The following ADAMTS3 variants were observed in gnomAD, a reference collection of about 807,000 sequenced individuals.
ADAMTS3 encodes the protein A disintegrin and metalloproteinase with thrombospondin motifs 3.
ADAMTS3 carries 73 observed loss-of-function variants against 129.0 expected under a neutral mutation model. The observed-to-expected ratio is 0.57, with a 90% confidence interval of 0.47 to 0.69. The LOEUF is 0.69. ADAMTS3 is among the 30% of genes least tolerant of loss of function. ADAMTS3 has a pLI of 0.00. For missense variants in ADAMTS3, 1,457 were observed against 1,514.5 expected (o/e 0.96, Z 0.63); for synonymous variants, 477 against 510.8 (o/e 0.93, Z 0.89).
At chr4:72,518,539 T>A (rs1266608054) in intron 3 of ADAMTS3, among the ~76,000 whole-genome samples, 2 of 152,140 alleles carry the variant, frequency 1.3e-5, no homozygotes, top group Non-Finnish European at 2.9e-5. Context: ...GGTGCATATA[T>A]ATTTAGGATA....
chr4:72,314,648 T>A (rs902168901), intron 11 of ADAMTS3, among the ~76,000 whole-genome samples: 5 of 152,200 alleles, frequency 3.3e-5, no homozygotes, highest in Non-Finnish European at 7.4e-5. Context: ...AATTATATAA[T>A]TTTTTATAAA....
intron 3 of ADAMTS3, among the ~76,000 whole-genome samples, chr4:72,542,348 T>C (rs1413328972): frequency 2.0e-5 from 3 of 152,022 alleles, no homozygotes; most frequent in Non-Finnish European, 1.5e-5. Context: ...GTATTTATAG[T>C]AGAGATAGGG....
chr4:72,361,368 A>G (rs1406100764), intron 4 of ADAMTS3, among the ~76,000 whole-genome samples: 1 of 152,176 alleles, frequency 6.6e-6, no homozygotes, highest in Non-Finnish European at 1.5e-5. Flanking sequence ...ATGTCTTACA[A>G]AACATGGAAG....
chr4:72,366,290 C>T (rs1432347947), intron 4 of ADAMTS3, among the ~76,000 whole-genome samples: 2 of 152,144 alleles, frequency 1.3e-5, no homozygotes, highest in African/African-American at 2.4e-5. Flanking sequence ...GCAGATTCAT[C>T]CCACCAAACT....
intron 4 of ADAMTS3, among the ~76,000 whole-genome samples, chr4:72,366,762 T>C (rs1489425593): frequency 6.6e-6 from 1 of 151,904 alleles, no homozygotes; most frequent in African/African-American, 2.4e-5. Context: ...AAGGGTATTT[T>C]AGTGTCCCAA....
At chr4:72,480,766 A>G (rs559645217) in intron 3 of ADAMTS3, among the ~76,000 whole-genome samples, 90 of 151,392 alleles carry the variant, frequency 5.9e-4, no homozygotes, top group African/African-American at 2.0e-3. Flanking sequence ...TGGAAAAAAA[A>G]AAAACTACCC....
intron 3 of ADAMTS3, among the ~76,000 whole-genome samples, chr4:72,517,766 G>A (rs968556207): frequency 2.0e-5 from 3 of 151,286 alleles, no homozygotes; most frequent in Admixed American, 2.0e-4. Flanking sequence ...TATCAATTTT[G>A]TTGATCCTTT....
intron 4 of ADAMTS3, among the ~76,000 whole-genome samples, chr4:72,370,722 C>A (rs1023592465): frequency 4.6e-4 from 70 of 151,966 alleles, no homozygotes; most frequent in African/African-American, 1.6e-3. Flanking sequence ...TGCACTCCAT[C>A]CTGGGTGACA....
chr4:72,512,686 T>C (rs1430618966), intron 3 of ADAMTS3, among the ~76,000 whole-genome samples: 1 of 152,186 alleles, frequency 6.6e-6, no homozygotes, highest in Non-Finnish European at 1.5e-5. Context: ...TCACCTTGCA[T>C]GCCTGTATCA....
chr4:72,465,997 T>C (rs1156379624), intron 3 of ADAMTS3, among the ~76,000 whole-genome samples: 6 of 152,074 alleles, frequency 3.9e-5, no homozygotes, highest in African/African-American at 1.4e-4. Context: ...TAAACTTCTT[T>C]CCTTTATAAA....
At position 72,295,682 on chromosome 4, in the gene ADAMTS3, A is replaced by C. The variant is rs1286958206; in HGVS notation, c.2695T>G (p.Cys899Gly). 3 of 1,612,884 alleles carry C rather than the reference A, an allele frequency of 1.9e-6. No homozygotes were observed. The highest frequency in any genetic ancestry group is 2.5e-6 in the Non-Finnish European group (3 of 1,179,088). ...NKKPKPIRRM[C>G]NIQECTHPLW... ...GGATGTGTACACTCTTGAATATTGC[A>C]CATTCGTCTAATAGGTTTCGGCTTT... The change falls in exon 19 of 22, where the codon TGC becomes GGC. Residue 899 changes from cysteine (C) to glycine (G), a missense_variant. Transcript: ENST00000286657.
chr4:72,300,562 AT>A (rs759955457), intron 17 of ADAMTS3, among the ~76,000 whole-genome samples: 3 of 152,230 alleles, frequency 2.0e-5, no homozygotes, highest in Non-Finnish European at 4.4e-5. Flanking sequence ...ACCCACATAA[AT>A]GTGGATAATT....
At chr4:72,516,630 C>A (rs1720489754) in intron 3 of ADAMTS3, among the ~76,000 whole-genome samples, 2 of 152,090 alleles carry the variant, frequency 1.3e-5, no homozygotes, top group African/African-American at 4.8e-5. Context: ...TGATTTGGCT[C>A]TCTGCTAGTC....
intron 3 of ADAMTS3, among the ~76,000 whole-genome samples, chr4:72,425,242 A>T (rs1205378231): frequency 6.6e-6 from 1 of 152,176 alleles, no homozygotes; most frequent in African/African-American, 2.4e-5. Flanking sequence ...ATAAGCCTAA[A>T]TCTTGCTTTT....
At chr4:72,402,871 T>G (rs1471047796) in intron 4 of ADAMTS3, among the ~76,000 whole-genome samples, 2 of 151,820 alleles carry the variant, frequency 1.3e-5, no homozygotes, top group East Asian at 3.9e-4. Context: ...GTGGGGGGAG[T>G]GTCTCAATGC....
At chr4:72,362,575 G>T (rs1291948544) in intron 4 of ADAMTS3, among the ~76,000 whole-genome samples, 1 of 152,014 alleles carries the variant, frequency 6.6e-6, no homozygotes, top group Non-Finnish European at 1.5e-5. Context: ...AATTTTCTCT[G>T]CAGACTATCA....
chr4:72,359,355 A>G (rs940106896), intron 4 of ADAMTS3, among the ~76,000 whole-genome samples: 1 of 152,058 alleles, frequency 6.6e-6, no homozygotes, highest in East Asian at 1.9e-4. Flanking sequence ...TTGTACAAAT[A>G]ATGAACTAAA....
At chr4:72,494,077 G>A (rs1719814872) in intron 3 of ADAMTS3, among the ~76,000 whole-genome samples, 1 of 152,064 alleles carries the variant, frequency 6.6e-6, no homozygotes, top group Admixed American at 6.6e-5. Flanking sequence ...ATCATGTTTG[G>A]AGACTTTACA....
chr4:72,346,794 G>A (rs1342486964), intron 4 of ADAMTS3, among the ~76,000 whole-genome samples: 1 of 152,060 alleles, frequency 6.6e-6, no homozygotes, highest in Non-Finnish European at 1.5e-5. Flanking sequence ...GACTCTAGGT[G>A]TGGGGGAATT....
Sources: allele counts gnomAD v4.1 joint callset (sites outside exome capture counted in the v4.1 genomes callset), GRCh38; gene constraint gnomAD v4.1.1; transcripts MANE v1.5; gene names NCBI Gene and HGNC (gene_info 2026-07-23, HGNC 2026-07-21).